Variants in ATG2B observed in about 807,000 individuals in gnomAD.
ATG2B encodes autophagy related 2B, also known as autophagy-related protein 2 homolog B.
ATG2B carries 121 observed loss-of-function variants against 241.3 expected under a neutral mutation model. That is an observed-to-expected ratio of 0.50 (90% CI 0.43 to 0.58). ATG2B has a LOEUF of 0.58. ATG2B is among the 20% of genes least tolerant of loss of function. ATG2B has a pLI of 0.00. For missense variants in ATG2B, 2,306 were observed against 2,491.6 expected (o/e 0.93, Z 1.59); for synonymous variants, 858 against 876.6 (o/e 0.98, Z 0.37).
At chr14:96,317,087 G>A (rs1887333861) in intron 20 of ATG2B, 58 bp downstream of exon 20, 1 of 1,409,792 alleles carries the variant, frequency 7.1e-7, no homozygotes, top group African/African-American at 1.4e-5. Flanking sequence ...ATGTATCCTA[G>A]CAGATTTATT....
chr14:96,332,894 T>C (rs1887778923), intron 8 of ATG2B, among the ~76,000 whole-genome samples: 1 of 152,160 alleles, frequency 6.6e-6, no homozygotes, highest in Non-Finnish European at 1.5e-5. Context: ...ATGTTTTCTT[T>C]TGTTTTAAAT....
In ATG2B at chr14:96,302,156, C is replaced by T. The variant is rs749800266; in HGVS notation, c.5038-48G>A. 31 of 1,143,320 alleles carry T rather than the reference C, an allele frequency of 2.7e-5. 1 individual carries two copies. In the South Asian group the frequency reaches 3.9e-4, roughly 15 times the overall value. The allele number at this position is 1,143,320 out of a possible 1,614,324, so 70.8% of individuals were successfully genotyped here. A position where few individuals can be genotyped will look rare whatever the true frequency, so the allele number is the denominator to read the frequency against. On this transcript the variant is annotated intron_variant, in intron 33 of 41. Transcript: ENST00000359933. ...ACATTTTTCCCCAATAATATGATGA[C>T]CTTCTTCTCTTTAAAAATAAGAAAA...
At chr14:96,353,139 A>G (rs995363911) in intron 1 of ATG2B, among the ~76,000 whole-genome samples, 3 of 152,200 alleles carry the variant, frequency 2.0e-5, no homozygotes, top group African/African-American at 4.8e-5. Context: ...TAGGAGCAAT[A>G]GGCTGTACCC....
At chr14:96,348,367 G>A (rs1377383349) in intron 1 of ATG2B, among the ~76,000 whole-genome samples, 3 of 152,046 alleles carry the variant, frequency 2.0e-5, no homozygotes, top group Non-Finnish European at 4.4e-5. Context: ...TGGTTAATGG[G>A]TACAAAAATA....
At chr14:96,306,564 A>G (rs1043814742) in intron 30 of ATG2B, 150 bp downstream of exon 30, 11 of 635,498 alleles carry the variant, frequency 1.7e-5, no homozygotes, top group African/African-American at 3.7e-5. Flanking sequence ...TACAGTAACC[A>G]TTCACCAACT....
Position 96,331,646 on chromosome 14 carries a change from C to T in ATG2B, c.1469-9G>A. The T allele has an allele frequency of 6.4e-7, 1 of 1,572,270 alleles. No individual in the cohort carries two copies. The highest frequency in any genetic ancestry group is 8.6e-7 in the Non-Finnish European group (1 of 1,163,144). Reference sequence around the variant, plus strand: ...AGATCTAGATGGGAGAGCTAAAATACAAGTATTAAAATTATATACATAAAA... The same window carrying T: ...AGATCTAGATGGGAGAGCTAAAATATAAGTATTAAAATTATATACATAAAA... On this transcript the variant is annotated splice_polypyrimidine_tract_variant and intron_variant, in intron 10 of 41. Transcript: ENST00000359933.
At position 96,341,632 on chromosome 14, in the gene ATG2B, T is replaced by C; in HGVS notation, c.814A>G (p.Arg272Gly). The stretch of plus-strand genomic sequence containing the variant: ...GAAGGTGCTATCTCTGGTAAATTTC[T>C]AGTTAGCTGTGGGTGTGGCTCATAA... Reference protein sequence around the residue: ...IIYEPHPQLTRNLPEIAPSDP... With the variant: ...IIYEPHPQLTGNLPEIAPSDP... Residue 272 changes from arginine to glycine, a missense_variant, in exon 6 of 42, where the codon AGA (arginine) becomes GGA (glycine). Physicochemically the swap from Arg to Gly is moderately radical, Grantham distance 125. Around this residue, in one of 2 missense-constraint regions of ATG2B, gnomAD observed 1,927 missense variants for 2,011.2 expected, o/e 0.96. Coordinates refer to ENST00000359933, the MANE Select transcript of ATG2B (RefSeq NM_018036.7). 2 of 1,603,428 alleles carry C rather than the reference T, an allele frequency of 1.2e-6. No individual in the cohort carries two copies. Among genetic ancestry groups the C allele is most frequent in the Non-Finnish European group, 1.7e-6 (2 of 1,173,612 alleles).
In ATG2B at chr14:96,305,720, C is replaced by A; in HGVS notation, c.4602G>T (p.Thr1534=). The A allele has an allele frequency of 6.2e-7, 1 of 1,614,122 alleles. No homozygotes were observed. Among genetic ancestry groups the A allele is most frequent in the South Asian group, 1.1e-5 (1 of 91,086 alleles). The change falls in exon 31 of 42, where the codon ACG becomes ACT. Residue 1534 remains threonine, a synonymous_variant. Coordinates refer to ENST00000359933, the MANE Select transcript of ATG2B (RefSeq NM_018036.7). The stretch of plus-strand genomic sequence containing the variant: ...TGGGAAAGTGTAAGGGGGCTTTGCT[C>A]GTATCGGTCTTATTAACGGGCAGAC... ...YFSLPVNKTD[T]SKAPLHFPIP...
At position 96,315,411 on chromosome 14, in the gene ATG2B, C is replaced by T. The variant is rs1270904150; in HGVS notation, c.3534G>A (p.Leu1178=). 1 of 1,614,134 alleles carries T rather than the reference C, an allele frequency of 6.2e-7. No individual in the cohort carries two copies. Among genetic ancestry groups the T allele is most frequent in the South Asian group, 1.1e-5 (1 of 91,088 alleles). The change falls in exon 22 of 42, where the codon TTG becomes TTA. Residue 1178 remains leucine, a synonymous_variant. Coordinates refer to ENST00000359933, the MANE Select transcript of ATG2B (RefSeq NM_018036.7). The part of the protein sequence containing the change: ...LNMLSVAVKI[L]SDKSESNTKE... ...TTGTATTGGACTCTGATTTATCAGA[C>T]AATATTTTAACGGCAACAGACAGCA...
At chr14:96,321,385 A>C (rs1226674866) in intron 18 of ATG2B, among the ~76,000 whole-genome samples, 2 of 152,190 alleles carry the variant, frequency 1.3e-5, no homozygotes, top group Non-Finnish European at 2.9e-5. Flanking sequence ...TGCTACGGAG[A>C]AATCCCTTCA....
chr14:96,330,351 C>T (rs572914925), intron 11 of ATG2B, among the ~76,000 whole-genome samples: 21 of 152,114 alleles, frequency 1.4e-4, no homozygotes, highest in Admixed American at 5.9e-4. Flanking sequence ...ATTAAATAAA[C>T]GCCCAAAGTA....
chr14:96,308,301 T>TGAGACAGAA (rs1887057642), intron 29 of ATG2B, among the ~76,000 whole-genome samples: 1 of 102,564 alleles, frequency 9.8e-6, no homozygotes, highest in Non-Finnish European at 1.9e-5. Context: ...TTTTTTTTTT[T>TGAGACAGAA]TGAGACAGAA....
intron 1 of ATG2B, among the ~76,000 whole-genome samples, chr14:96,355,963 G>A (rs1019680640): frequency 1.1e-4 from 16 of 152,046 alleles, no homozygotes; most frequent in African/African-American, 3.9e-4. Context: ...AAGATCAGGG[G>A]ATGGAGACCA....
At chr14:96,325,973 T>C (rs767860411) in intron 14 of ATG2B, 51 bp from the exon 15 acceptor site, 14 of 1,549,286 alleles carry the variant, frequency 9.0e-6, no homozygotes, top group South Asian at 1.2e-5. Flanking sequence ...TAAATGAACA[T>C]AAATTACACA....
intron 41 of ATG2B, 110 bp from the exon 42 acceptor site, chr14:96,286,095 T>C: frequency 1.3e-6 from 1 of 756,916 alleles, no homozygotes; most frequent in Non-Finnish European, 2.1e-6. Flanking sequence ...ACATTATGTT[T>C]GTAACCAGAC....
In ATG2B at chr14:96,289,870, G is replaced by T; in HGVS notation, c.5857-65C>A. Reference sequence around the variant, plus strand: ...AAGTCTGAAGAGTTACGGACCAGCAGAGCACTTCCTACAGGGAGTGAGGAA... The same window carrying T: ...AAGTCTGAAGAGTTACGGACCAGCATAGCACTTCCTACAGGGAGTGAGGAA... On this transcript the variant is annotated intron_variant, in intron 40 of 41. Transcript: ENST00000359933. The surrounding 1 kb of genome is among the most constrained non-coding windows in gnomAD (Gnocchi z 4.3). The T allele has an allele frequency of 6.4e-7, 1 of 1,553,922 alleles. No individual in the cohort carries two copies. Among genetic ancestry groups the T allele is most frequent in the South Asian group, 1.1e-5 (1 of 87,504 alleles).
chr14:96,325,633 G>A lies in ATG2B; in HGVS notation c.2437+16C>T. ...GTTATCTAGGATGGTTCTTTTACAG[G>A]CACATTCAATCTTACCAATTAGTTC... On this transcript the variant is annotated intron_variant, in intron 15 of 41. Transcript: ENST00000359933. 6 of 1,597,012 alleles carry A rather than the reference G, an allele frequency of 3.8e-6. No individual in the cohort carries two copies. The highest frequency in any genetic ancestry group is 5.1e-6 in the Non-Finnish European group (6 of 1,172,728).
rs141060861 is a variant in ATG2B at position 96,290,826 on chromosome 14, G to A, written c.5689C>T (p.Leu1897=). 4 of 1,609,632 alleles carry A rather than the reference G, an allele frequency of 2.5e-6. No homozygotes were observed. Among genetic ancestry groups the A allele is most frequent in the African/African-American group, 2.7e-5 (2 of 74,616 alleles). The change falls in exon 39 of 42, where the codon CTA becomes TTA. Residue 1897 remains leucine (L), a synonymous_variant. Coordinates refer to ENST00000359933, the MANE Select transcript of ATG2B (RefSeq NM_018036.7). The surrounding 1 kb of genome is among the most constrained non-coding windows in gnomAD (Gnocchi z 4.4). ...GAAGAAAACTCACCTAATTGTACTA[G>A]TGAATGCATAGGTCCAACACCTCCC... ...ILGGVGPMHS[L]VQLVQGLKDL...
At chr14:96,293,577 G>T (rs59859431) in intron 36 of ATG2B, among the ~76,000 whole-genome samples, 1 of 152,168 alleles carries the variant, frequency 6.6e-6, no homozygotes, top group African/African-American at 2.4e-5. Context: ...TTCTGGATTA[G>T]AGATAAGAAA....
Sources: gnomAD v4.1 joint callset for allele counts (sites outside exome capture counted in the v4.1 genomes callset) on GRCh38, gnomAD v4.1.1 for gene constraint, gnomAD v4.1.1 regional missense constraint, Gnocchi (gnomAD v3.1) non-coding constraint, MANE v1.5 for transcripts, NCBI Gene and HGNC (gene_info 2026-07-23, HGNC 2026-07-21) for gene names.